RIMS2: variants seen among roughly 807,000 people sequenced by gnomAD.
The protein encoded by RIMS2 is regulating synaptic membrane exocytosis 2, also known as regulating synaptic membrane exocytosis protein 2.
In RIMS2, 59 loss-of-function variants were observed where a neutral mutation model predicts 174.4. That is an observed-to-expected ratio of 0.34 (90% CI 0.27 to 0.42). The LOEUF is 0.42. RIMS2 is among the 10% of genes least tolerant of loss of function. The pLI, the probability that RIMS2 is intolerant of heterozygous loss-of-function variation, is 1.00. For missense variants in RIMS2, 1,620 were observed against 1,666.3 expected, an observed-to-expected ratio of 0.97 and a Z score of 0.48; for synonymous variants, 606 against 572.5, an observed-to-expected ratio of 1.06 and a Z score of -0.84.
intron 3 of RIMS2, among the ~76,000 whole-genome samples, chr8:103,880,919 A>ATGGTTAG (rs2099164200): frequency 6.6e-6 from 1 of 151,504 alleles, no homozygotes; most frequent in Non-Finnish European, 1.5e-5. Context: ...CTTAAACTGC[A>ATGGTTAG]TGGTTAGTTA....
chr8:104,149,240 A>T (rs543282071), intron 19 of RIMS2, among the ~76,000 whole-genome samples: 14 of 152,302 alleles, frequency 9.2e-5, no homozygotes, highest in Non-Finnish European at 1.5e-4. Context: ...TGTGAAGATG[A>T]CTTCTCATAT....
intron 2 of RIMS2, among the ~76,000 whole-genome samples, chr8:103,748,882 C>A (rs1171281002): frequency 6.6e-6 from 1 of 151,964 alleles, no homozygotes; most frequent in Admixed American, 6.5e-5. Flanking sequence ...CTCACCGCAA[C>A]CTCCGCCTCC....
At chr8:103,693,630 TGTG>T (rs1216089284) in intron 1 of RIMS2, among the ~76,000 whole-genome samples, 1 of 152,134 alleles carries the variant, frequency 6.6e-6, no homozygotes. Flanking sequence ...AGTCAGCCCA[TGTG>T]GTGATTCTGG....
intron 19 of RIMS2, among the ~76,000 whole-genome samples, chr8:104,047,264 A>C (rs1002449126): frequency 8.5e-5 from 13 of 152,110 alleles, no homozygotes; most frequent in African/African-American, 3.1e-4. Context: ...GTTACTGCTA[A>C]ATTATTAATA....
chr8:103,661,231 G>A (rs1029288224), intron 1 of RIMS2, among the ~76,000 whole-genome samples: 1 of 152,132 alleles, frequency 6.6e-6, no homozygotes, highest in Non-Finnish European at 1.5e-5. Flanking sequence ...AGTGCTGTCT[G>A]TACTTCAGTA....
At chr8:104,033,838 T>C (rs537874732) in intron 19 of RIMS2, among the ~76,000 whole-genome samples, 1 of 152,244 alleles carries the variant, frequency 6.6e-6, no homozygotes, top group South Asian at 2.1e-4. Context: ...AGTGATAAAA[T>C]GGGAGGAAAG....
intron 2 of RIMS2, among the ~76,000 whole-genome samples, chr8:103,719,725 G>A (rs1221139164): frequency 6.6e-6 from 1 of 152,072 alleles, no homozygotes; most frequent in East Asian, 1.9e-4. Flanking sequence ...GAGCAAATAA[G>A]TAAACTTACA....
intron 1 of RIMS2, among the ~76,000 whole-genome samples, chr8:103,660,725 G>C (rs1415573519): frequency 6.6e-6 from 1 of 152,220 alleles, no homozygotes; most frequent in East Asian, 1.9e-4. Context: ...AAAATTGCCA[G>C]AATCTTTCTC....
chr8:104,047,127 G>T (rs1164340074), intron 19 of RIMS2, among the ~76,000 whole-genome samples: 3 of 151,980 alleles, frequency 2.0e-5, no homozygotes, highest in Non-Finnish European at 2.9e-5. Context: ...CCCCAACATG[G>T]AACAAATAGC....
rs1819353976 is a variant in RIMS2 at position 103,500,931 on chromosome 8, G to C, written c.45G>C (p.Pro15=). ...CCCGGGGCCGCCTGGCTCCCATCCC[G>C]GCGGCCTCTCAGCCGCCTCTGCAGC... Residue 15 remains proline (P), a synonymous_variant, in exon 1 of 24, where the codon CCG becomes CCC. Coordinates refer to ENST00000504942, the Ensembl canonical transcript of RIMS2. The C allele has an allele frequency of 1.2e-6, 2 of 1,607,642 alleles. 1 individual carries two copies. Among genetic ancestry groups the C allele is most frequent in the South Asian group, 2.2e-5 (2 of 90,580 alleles).
At chr8:103,830,983 G>GT (rs1564810376) in intron 3 of RIMS2, among the ~76,000 whole-genome samples, 1 of 151,834 alleles carries the variant, frequency 6.6e-6, no homozygotes, top group South Asian at 2.1e-4. Context: ...AATTTTGTTT[G>GT]TTTTTTGTAG....
At chr8:103,957,163 T>G (rs1199968554) in intron 14 of RIMS2, among the ~76,000 whole-genome samples, 4 of 152,212 alleles carry the variant, frequency 2.6e-5, no homozygotes, top group Non-Finnish European at 4.4e-5. Flanking sequence ...GAGTGTAAAT[T>G]AGTTCAACCA....
intron 19 of RIMS2, among the ~76,000 whole-genome samples, chr8:104,086,994 C>T (rs549610857): frequency 2.6e-5 from 4 of 152,142 alleles, no homozygotes; most frequent in Admixed American, 6.6e-5. Context: ...ATTTATATCA[C>T]GGAAATCAGA....
intron 19 of RIMS2, among the ~76,000 whole-genome samples, chr8:104,135,411 G>A (rs1363546481): frequency 6.6e-6 from 1 of 151,920 alleles, no homozygotes; most frequent in African/African-American, 2.4e-5. Context: ...CCAGCCTGGG[G>A]AACTTGGCCA....
chr8:103,695,030 A>T (rs752399191), intron 1 of RIMS2, among the ~76,000 whole-genome samples: 1 of 151,334 alleles, frequency 6.6e-6, no homozygotes, highest in Non-Finnish European at 1.5e-5. Flanking sequence ...ACAGTAAACA[A>T]TTGCCTGATA....
intron 19 of RIMS2, among the ~76,000 whole-genome samples, chr8:104,070,711 A>G (rs1364344520): frequency 6.6e-6 from 1 of 152,154 alleles, no homozygotes; most frequent in African/African-American, 2.4e-5. Context: ...AGATAACATA[A>G]ATTTGTTGGT....
chr8:104,233,173 G>A (rs1038518365), intron 19 of RIMS2, among the ~76,000 whole-genome samples: 1 of 152,110 alleles, frequency 6.6e-6, no homozygotes, highest in Non-Finnish European at 1.5e-5. Context: ...CAATATCCAT[G>A]CATTCTCTTG....
intron 23 of RIMS2, 145 bp downstream of exon 29, chr8:104,251,308 A>G: frequency 4.3e-6 from 3 of 703,918 alleles, no homozygotes; most frequent in Non-Finnish European, 4.7e-6. Context: ...GGCCCGTGCT[A>G]TAAAGCAATA....
intron 19 of RIMS2, among the ~76,000 whole-genome samples, chr8:104,207,223 C>A (rs890523186): frequency 2.6e-5 from 4 of 152,124 alleles, no homozygotes; most frequent in Non-Finnish European, 4.4e-5. Flanking sequence ...TACGCCCAGC[C>A]CATTTTTCCA....
Sources: allele counts gnomAD v4.1 joint callset (sites outside exome capture counted in the v4.1 genomes callset), GRCh38; gene constraint gnomAD v4.1.1; transcripts MANE v1.5; gene names NCBI Gene and HGNC (gene_info 2026-07-23, HGNC 2026-07-21).